The following WNT4 variants were observed in gnomAD, a reference collection of about 807,000 sequenced individuals.
WNT4 encodes the protein protein Wnt-4.
WNT4 carries 16 observed loss-of-function variants against 34.5 expected under a neutral mutation model. The ratio of observed to expected loss-of-function variants is 0.46; its 90% CI spans 0.31 to 0.70. WNT4 has a LOEUF of 0.70. Among genes scored for constraint, WNT4 ranks in the 30% least tolerant of loss-of-function variants. The probability of loss-of-function intolerance (pLI) is 0.04; values close to 1 mark genes in which losing one functional copy is unlikely to be tolerated. For synonymous variants in WNT4, 200 were observed against 211.9 expected (o/e 0.94, Z 0.49); for missense variants, 379 against 495.9 (o/e 0.76, Z 2.24).
rs1213516590 is a variant in WNT4 at position 22,137,271 on chromosome 1, C to T, written c.77+5575G>A. On this transcript the variant is annotated intron_variant, in intron 1 of 4. Coordinates refer to ENST00000290167, the MANE Select transcript of WNT4 (RefSeq NM_030761.5). The surrounding 1 kb of genome is among the most constrained non-coding windows in gnomAD (Gnocchi z 5.3). Reference sequence around the variant, plus strand: ...GAGCTGGTGGGGTCACGGCAGGGAGCGAGCCGTCCCGAGTTTGGCTGAATC... The same window carrying T: ...GAGCTGGTGGGGTCACGGCAGGGAGTGAGCCGTCCCGAGTTTGGCTGAATC... Among the ~76,000 whole-genome samples the T allele has an allele frequency of 2.0e-5, 3 of 152,180 alleles. No homozygotes were observed. The highest frequency in any genetic ancestry group is 4.8e-5 in the African/African-American group (2 of 41,436).
At position 22,129,692 on chromosome 1, in the gene WNT4, C is replaced by G. The variant is rs1216833415; in HGVS notation, c.237G>C (p.Gln79His). The change falls in exon 2 of 5, where the codon CAG becomes CAC. Residue 79 changes from glutamine (Q) to histidine (H), a missense_variant. By Grantham distance (24) the Gln-to-His change is conservative. Transcript: ENST00000290167. ...TCCAGCGCCGGTTCCGGAACTGGTA[C>G]TGGCACTCCTCAATGGCCAGCTGGG... ...RGAQLAIEEC[Q>H]YQFRNRRWNC... 1 of 1,613,990 alleles carries G rather than the reference C, an allele frequency of 6.2e-7. No homozygotes were observed.
At chr1:22,133,542 G>T (rs538642557) in intron 1 of WNT4, among the ~76,000 whole-genome samples, 25 of 152,336 alleles carry the variant, frequency 1.6e-4, no homozygotes, top group African/African-American at 5.8e-4. Flanking sequence ...GGCGTGATGG[G>T]TGGGCCGGGC....
In WNT4 at chr1:22,139,831, C is replaced by G. The variant is rs910540631; in HGVS notation, c.77+3015G>C. 4.6e-5 allele frequency among the ~76,000 whole-genome samples: 7 copies of G among 152,180 alleles called. No homozygotes were observed. Among genetic ancestry groups the G allele is most frequent in the African/African-American group, 1.4e-4 (6 of 41,456 alleles). ...TCCTTAAGGGCAGAGTCCCAGCCTT[C>G]CCCCAGGGACTCTTCATCCATCGGG... On this transcript the variant is annotated intron_variant, in intron 1 of 4. Transcript: ENST00000290167. This position sits in a 1 kb window ranked among gnomAD's most constrained non-coding sequence, Gnocchi z 4.6.
chr1:22,119,647 C>G lies in WNT4; in HGVS notation c.*403G>C. The G allele has an allele frequency of 3.2e-6, 1 of 310,976 alleles. No homozygotes were observed. 19.3% of individuals were successfully genotyped at this position (310,976 alleles called of 1,614,324 possible). On this transcript the variant is annotated 3_prime_UTR_variant, in exon 5 of 5. Transcript: ENST00000290167. ...CCAGAGGGTGTGACTTCCATCAAGT[C>G]GGTACCTATTTTCCCTGCCATAAGG... is the stretch of plus-strand genomic sequence containing the variant.
At chr1:22,129,911 C>G in intron 1 of WNT4, 60 bp from the exon 2 acceptor site, 17 of 1,587,336 alleles carry the variant, frequency 1.1e-5, no homozygotes, top group Non-Finnish European at 1.4e-5. Context: ...GGCCCCGGAC[C>G]AGGCCTGAGC....
chr1:22,132,538 C>T (rs1335936309), intron 1 of WNT4, among the ~76,000 whole-genome samples: 1 of 152,206 alleles, frequency 6.6e-6, no homozygotes, highest in Non-Finnish European at 1.5e-5. Flanking sequence ...GGCCGGGCCT[C>T]AGGGGCCTGC....
chr1:22,133,011 C>A (rs1278875318), intron 1 of WNT4, among the ~76,000 whole-genome samples: 1 of 152,118 alleles, frequency 6.6e-6, no homozygotes, highest in Non-Finnish European at 1.5e-5. Context: ...TAGCATTTGG[C>A]TCCATTTCAC....
rs1178159104 is a variant in WNT4 at position 22,142,387 on chromosome 1, G to GGCGCAGCTCC, written c.77+458_77+459insGGAGCTGCGC. ...ACGCCTCCAGCCCAGCCCGCAGCGC[G>GGCGCAGCTCC]GCGCAGCTCGGCGCAGCTCGGCGCT... On this transcript the variant is annotated intron_variant, in intron 1 of 4. Transcript: ENST00000290167. The surrounding 1 kb of genome is among the most constrained non-coding windows in gnomAD (Gnocchi z 6.0). 6.7e-6 allele frequency among the ~76,000 whole-genome samples: 1 copy of GGCGCAGCTCC among 148,662 alleles called. No homozygotes were observed. Among genetic ancestry groups the GGCGCAGCTCC allele is most frequent in the African/African-American group, 2.5e-5 (1 of 40,734 alleles).
chr1:22,141,571 A>C (rs1340994506), intron 1 of WNT4, among the ~76,000 whole-genome samples: 6 of 152,164 alleles, frequency 3.9e-5, no homozygotes, highest in Non-Finnish European at 8.8e-5. Context: ...GGCTCCAAGA[A>C]AAACAAAAGC....
intron 4 of WNT4, among the ~76,000 whole-genome samples, chr1:22,120,922 C>T (rs958055620): frequency 1.3e-5 from 2 of 152,120 alleles, no homozygotes; most frequent in African/African-American, 4.8e-5. Flanking sequence ...TCTAGCTCTG[C>T]TGCTCTTTTG....
At chr1:22,138,882 C>T (rs1397882464) in intron 1 of WNT4, among the ~76,000 whole-genome samples, 6 of 152,184 alleles carry the variant, frequency 3.9e-5, no homozygotes, top group Non-Finnish European at 8.8e-5. Flanking sequence ...CCCCGGCCCC[C>T]GGGCAAGCAG....
At chr1:22,131,402 T>C (rs769714282) in intron 1 of WNT4, among the ~76,000 whole-genome samples, 8 of 152,156 alleles carry the variant, frequency 5.3e-5, no homozygotes, top group Admixed American at 2.6e-4. Flanking sequence ...CTGAGGTTAA[T>C]TGAATGTGCC....
intron 2 of WNT4, 140 bp from the exon 3 acceptor site, chr1:22,121,716 G>A: frequency 2.3e-6 from 3 of 1,326,618 alleles, no homozygotes; most frequent in Non-Finnish European, 2.1e-6. Flanking sequence ...CATGTGCTAG[G>A]CACCCCACGG....
chr1:22,139,915 C>CGA lies in WNT4; in HGVS notation c.77+2929_77+2930dup, dbSNP rs1646052777. Among the ~76,000 whole-genome samples, 2 of 152,194 alleles carry CGA rather than the reference C, an allele frequency of 1.3e-5. No homozygotes were observed. Among genetic ancestry groups the CGA allele is most frequent in the Admixed American group, 1.3e-4 (2 of 15,284 alleles). ...TCAGCGGGCTCCTCCGGGTGCCAGA[C>CGA]GAGAGTCTAATCAACAGCTCCCAGC... On this transcript the variant is annotated intron_variant, in intron 1 of 4. Transcript: ENST00000290167. The surrounding 1 kb of genome is among the most constrained non-coding windows in gnomAD (Gnocchi z 4.6).
At position 22,142,869 on chromosome 1, in the gene WNT4, G is replaced by A; in HGVS notation, c.54C>T (p.Phe18=). 1 of 1,212,180 alleles carries A rather than the reference G, an allele frequency of 8.2e-7. No individual in the cohort carries two copies. Among genetic ancestry groups the A allele is most frequent in the Non-Finnish European group, 1.1e-6 (1 of 946,936 alleles). 75.1% of individuals were successfully genotyped at this position (1,212,180 alleles called of 1,614,324 possible). A position where few individuals can be genotyped will look rare whatever the true frequency, so the allele number is the denominator to read the frequency against. ...ACAGCCAGTTGCTCGCGGCGGCTGA[G>A]AAGACGGCGAAGACGAGGAGGCGCA... is the stretch of plus-strand genomic sequence containing the variant. ...RSLRLLVFAV[F]SAAASNWLYL... Residue 18 remains phenylalanine, a synonymous_variant, in exon 1 of 5, where the codon TTC becomes TTT. Coordinates refer to ENST00000290167, the MANE Select transcript of WNT4 (RefSeq NM_030761.5). This position sits in a 1 kb window ranked among gnomAD's most constrained non-coding sequence, Gnocchi z 6.0.
intron 1 of WNT4, among the ~76,000 whole-genome samples, chr1:22,133,664 T>A (rs575783000): frequency 6.6e-6 from 1 of 152,348 alleles, no homozygotes; most frequent in East Asian, 1.9e-4. Flanking sequence ...ATTTGCCACC[T>A]GCTGCCCTGG....
At chr1:22,135,650 G>A (rs11584713) in intron 1 of WNT4, among the ~76,000 whole-genome samples, 15,123 of 152,222 alleles carry the variant, frequency 0.099, 880 homozygotes, top group Middle Eastern at 0.15. Flanking sequence ...TAGCTGTTGG[G>A]GCCATGGAAG....
chr1:22,140,630 G>A lies in WNT4; in HGVS notation c.77+2216C>T, dbSNP rs1237984647. ...GCCATTCCTGGCCAGCTGATTGTTC[G>A]ACAGAGGTTGATAAATATTGGACCA... On this transcript the variant is annotated intron_variant, in intron 1 of 4. Coordinates refer to ENST00000290167, the MANE Select transcript of WNT4 (RefSeq NM_030761.5). This position sits in a 1 kb window ranked among gnomAD's most constrained non-coding sequence, Gnocchi z 5.9. Among the ~76,000 whole-genome samples the A allele has an allele frequency of 6.6e-6, 1 of 152,156 alleles. No individual in the cohort carries two copies. Among genetic ancestry groups the A allele is most frequent in the Admixed American group, 6.5e-5 (1 of 15,280 alleles).
At chr1:22,128,514 C>T (rs1009434507) in intron 2 of WNT4, among the ~76,000 whole-genome samples, 7 of 152,168 alleles carry the variant, frequency 4.6e-5, no homozygotes, top group Non-Finnish European at 1.0e-4. Flanking sequence ...AATGCCATCT[C>T]ACATTTCTGG....
Sources: gnomAD v4.1 joint callset for allele counts (sites outside exome capture counted in the v4.1 genomes callset) on GRCh38, gnomAD v4.1.1 for gene constraint, Gnocchi (gnomAD v3.1) non-coding constraint, MANE v1.5 for transcripts, NCBI Gene and HGNC (gene_info 2026-07-23, HGNC 2026-07-21) for gene names.